The following LRIG1 variants were observed in gnomAD, a reference collection of about 807,000 sequenced individuals.
The protein encoded by LRIG1 is leucine-rich repeats and immunoglobulin-like domains protein 1.
Under a neutral mutation model 99.2 loss-of-function variants are expected in LRIG1, and 48 were observed. The ratio of observed to expected loss-of-function variants is 0.48; its 90% CI spans 0.38 to 0.62. LRIG1 has a LOEUF of 0.62. LRIG1 is among the 20% of genes least tolerant of loss of function. The pLI is 0.00. For synonymous variants in LRIG1, 772 were observed against 596.1 expected, an observed-to-expected ratio of 1.29 and a Z score of -4.30; for missense variants, 1,646 against 1,434.4, an observed-to-expected ratio of 1.15 and a Z score of -2.38.
Position 66,414,755 on chromosome 3 carries a change from C to G in LRIG1, c.647+165G>C, listed in dbSNP as rs139585159. Among the ~76,000 whole-genome samples, 517 of 152,318 alleles carry G rather than the reference C, an allele frequency of 3.4e-3. 3 individuals are homozygous for G. The highest frequency in any genetic ancestry group is 0.012 in the African/African-American group (499 of 41,558). On this transcript the variant is annotated intron_variant, in intron 5 of 18. Coordinates refer to ENST00000273261, the MANE Select transcript of LRIG1 (RefSeq NM_015541.3). ...CCTGAAGCAGCCACAGCACCAGACC[C>G]AGCTCCGAATTTGCTTTTATGAGGT...
At chr3:66,400,477 T>C (rs1000537040) in intron 9 of LRIG1, among the ~76,000 whole-genome samples, 11 of 152,188 alleles carry the variant, frequency 7.2e-5, no homozygotes, top group South Asian at 2.1e-4. Flanking sequence ...AGAATACCGA[T>C]TGCTGGGAGC....
At chr3:66,455,272 T>G (rs190664644) in intron 2 of LRIG1, among the ~76,000 whole-genome samples, 1 of 152,338 alleles carries the variant, frequency 6.6e-6, no homozygotes, top group Non-Finnish European at 1.5e-5. Context: ...ATTTACTCAT[T>G]AAATAGCTGG....
chr3:66,483,747 G>A (rs576050197), intron 1 of LRIG1, among the ~76,000 whole-genome samples: 3 of 152,296 alleles, frequency 2.0e-5, no homozygotes, highest in East Asian at 1.9e-4. Flanking sequence ...GCTCCAAAAC[G>A]CGGCTCCAGC....
At chr3:66,425,148 G>A (rs1702938055) in intron 3 of LRIG1, among the ~76,000 whole-genome samples, 2 of 152,244 alleles carry the variant, frequency 1.3e-5, no homozygotes, top group African/African-American at 4.8e-5. Flanking sequence ...AGCAAGAGGA[G>A]CCGGGATGCA....
At chr3:66,418,397 C>T (rs766207834) in intron 3 of LRIG1, among the ~76,000 whole-genome samples, 14 of 152,150 alleles carry the variant, frequency 9.2e-5, no homozygotes, top group East Asian at 3.9e-4. Flanking sequence ...CTGGCCTGTG[C>T]GCACCTTTAA....
rs1700867523 is a variant in LRIG1 at position 66,379,050 on chromosome 3, A to AG, written c.*1212_*1213insC. The AG allele has an allele frequency of 6.5e-6, 1 of 152,674 alleles. No homozygotes were observed. Among genetic ancestry groups the AG allele is most frequent in the African/African-American group, 2.4e-5 (1 of 41,458 alleles). The allele number at this position is 152,674 out of a possible 1,614,324, so 9.5% of individuals were successfully genotyped here. The stretch of plus-strand genomic sequence containing the variant: ...TGCTTACCTTTTGAACAGTGATGAC[A>AG]CCTGACAGTAATTGTTAACTATTTT... On this transcript the variant is annotated 3_prime_UTR_variant, in exon 19 of 19. Coordinates refer to ENST00000273261, the MANE Select transcript of LRIG1 (RefSeq NM_015541.3).
intron 2 of LRIG1, among the ~76,000 whole-genome samples, chr3:66,456,213 G>T (rs1700217182): frequency 6.6e-6 from 1 of 152,188 alleles, no homozygotes; most frequent in African/African-American, 2.4e-5. Context: ...AGCTTTGTAG[G>T]GTTTTGGGAG....
chr3:66,427,484 T>G (rs564619995), intron 3 of LRIG1, among the ~76,000 whole-genome samples: 10 of 152,188 alleles, frequency 6.6e-5, no homozygotes, highest in Non-Finnish European at 1.5e-4. Flanking sequence ...AAAACACACA[T>G]GAAGGTGATG....
intron 1 of LRIG1, among the ~76,000 whole-genome samples, chr3:66,463,724 G>A (rs909825667): frequency 1.3e-5 from 2 of 152,152 alleles, no homozygotes; most frequent in African/African-American, 2.4e-5. Flanking sequence ...TTAACAGTAC[G>A]ACTAATTTTG....
intron 2 of LRIG1, among the ~76,000 whole-genome samples, chr3:66,459,683 TG>T (rs1416582025): frequency 6.6e-6 from 1 of 152,204 alleles, no homozygotes; most frequent in Non-Finnish European, 1.5e-5. Context: ...CTCAACTTAA[TG>T]TAAACTCAGT....
chr3:66,383,536 T>C, intron 14 of LRIG1, 135 bp from the exon 15 acceptor site: 1 of 806,088 alleles, frequency 1.2e-6, no homozygotes, highest in Non-Finnish European at 1.9e-6. Context: ...TGGCAAGCTT[T>C]GGAGAAGACC....
intron 1 of LRIG1, among the ~76,000 whole-genome samples, chr3:66,487,670 G>A (rs1463680524): frequency 6.6e-6 from 1 of 152,142 alleles, no homozygotes; most frequent in Non-Finnish European, 1.5e-5. Flanking sequence ...GGGAAAGGAC[G>A]AGATGTCAAC....
chr3:66,428,646 C>T (rs1703058654), intron 3 of LRIG1, among the ~76,000 whole-genome samples: 1 of 152,218 alleles, frequency 6.6e-6, no homozygotes, highest in Non-Finnish European at 1.5e-5. Flanking sequence ...CTTTCCTAAT[C>T]CAACTTGAAT....
At chr3:66,460,597 C>A (rs1181160674) in intron 2 of LRIG1, among the ~76,000 whole-genome samples, 3 of 152,210 alleles carry the variant, frequency 2.0e-5, no homozygotes, top group African/African-American at 7.2e-5. Context: ...CGTGAGGGCA[C>A]AGTGCAAGGC....
chr3:66,481,520 T>TAC (rs35420784), intron 1 of LRIG1, among the ~76,000 whole-genome samples: 8,828 of 150,028 alleles, frequency 0.059, 727 homozygotes, highest in African/African-American at 0.19. Context: ...AGGGTTTATG[T>TAC]ACACACACAC....
Position 66,386,251 on chromosome 3 carries a change from T to C in LRIG1, c.1519A>G (p.Met507Val), listed in dbSNP as rs368532355. 70 of 1,613,994 alleles carry C rather than the reference T, an allele frequency of 4.3e-5. No individual in the cohort carries two copies. Among genetic ancestry groups the C allele is most frequent in the African/African-American group, 5.3e-5 (4 of 74,904 alleles). Residue 507 changes from methionine to valine, a missense_variant, in exon 13 of 19, where the codon ATG becomes GTG. Physicochemically the swap from Met to Val is conservative, Grantham distance 21 (BLOSUM62 1). Coordinates refer to ENST00000273261, the MANE Select transcript of LRIG1 (RefSeq NM_015541.3). ...GTAAACCGGATGTCCTTGCCCACCATAGCCATGGTGGTTTCTGGCTGGGTG... is the reference window on the plus strand; with the variant it reads ...GTAAACCGGATGTCCTTGCCCACCACAGCCATGGTGGTTTCTGGCTGGGTG... ...IITQPETTMA[M>V]VGKDIRFTCS...
intron 3 of LRIG1, among the ~76,000 whole-genome samples, chr3:66,447,938 GC>G (rs1703780652): frequency 6.6e-6 from 1 of 152,152 alleles, no homozygotes; most frequent in South Asian, 2.1e-4. Context: ...GGCAGCTTCT[GC>G]CCCCATTTAA....
At chr3:66,488,474 C>CAAA (rs1332180757) in intron 1 of LRIG1, among the ~76,000 whole-genome samples, 2 of 132,486 alleles carry the variant, frequency 1.5e-5, no homozygotes, top group East Asian at 4.1e-4. Context: ...TAAAAAAAAA[C>CAAA]AAAAAAAAAA....
chr3:66,452,207 G>A (rs1239308515), intron 2 of LRIG1, among the ~76,000 whole-genome samples: 3 of 152,182 alleles, frequency 2.0e-5, no homozygotes, highest in African/African-American at 7.2e-5. Flanking sequence ...CATCCCCCAG[G>A]AAAATGAACA....
Sources: gnomAD v4.1 joint callset for allele counts (sites outside exome capture counted in the v4.1 genomes callset) on GRCh38, gnomAD v4.1.1 for gene constraint, MANE v1.5 for transcripts, NCBI Gene and HGNC (gene_info 2026-07-23, HGNC 2026-07-21) for gene names.